Variants in TMEM132D observed in about 807,000 individuals in gnomAD.
TMEM132D encodes mature OL transmembrane protein.
TMEM132D carries 21 observed loss-of-function variants against 62.3 expected under a neutral mutation model. That is an observed-to-expected ratio of 0.34 (90% CI 0.24 to 0.49). The LOEUF is 0.49. Ranked by LOEUF, TMEM132D falls within the 20% of genes least tolerant of loss-of-function variation. The pLI is 0.99. For missense variants in TMEM132D, 1,346 were observed against 1,402.8 expected, an observed-to-expected ratio of 0.96 and a Z score of 0.65; for synonymous variants, 621 against 575.6, an observed-to-expected ratio of 1.08 and a Z score of -1.13.
At chr12:129,411,759 T>C (rs1230143952) in intron 3 of TMEM132D, among the ~76,000 whole-genome samples, 2 of 152,184 alleles carry the variant, frequency 1.3e-5, no homozygotes, top group African/African-American at 4.8e-5. Flanking sequence ...AGCTCTTGTC[T>C]CCCCTCATTC....
At chr12:129,675,862 G>A (rs779390014) in intron 2 of TMEM132D, among the ~76,000 whole-genome samples, 2 of 152,166 alleles carry the variant, frequency 1.3e-5, no homozygotes, top group African/African-American at 4.8e-5. Context: ...TGGACTTGCA[G>A]GGAAAAACTT....
chr12:129,791,231 A>G (rs972764105), intron 1 of TMEM132D, among the ~76,000 whole-genome samples: 1 of 152,218 alleles, frequency 6.6e-6, no homozygotes, highest in African/African-American at 2.4e-5. Flanking sequence ...TAGAATCACA[A>G]AAGCCTACAT....
chr12:129,595,617 G>A (rs541493190), intron 2 of TMEM132D, among the ~76,000 whole-genome samples: 1 of 152,224 alleles, frequency 6.6e-6, no homozygotes, highest in African/African-American at 2.4e-5. Context: ...ACTCTAAGCT[G>A]GTTCCCAAGC....
chr12:129,326,146 G>A (rs141693991), intron 4 of TMEM132D, among the ~76,000 whole-genome samples: 52 of 152,294 alleles, frequency 3.4e-4, no homozygotes, highest in African/African-American at 8.7e-4. Context: ...GGTTAATCCC[G>A]TGGACACTCT....
chr12:129,563,073 G>C (rs1877280737), intron 2 of TMEM132D, among the ~76,000 whole-genome samples: 1 of 152,176 alleles, frequency 6.6e-6, no homozygotes, highest in Non-Finnish European at 1.5e-5. Context: ...TGTACTACGT[G>C]ATCAACAAGT....
At chr12:129,442,827 T>C (rs1593010615) in intron 3 of TMEM132D, among the ~76,000 whole-genome samples, 1 of 152,116 alleles carries the variant, frequency 6.6e-6, no homozygotes, top group African/African-American at 2.4e-5. Context: ...ACGCCTTATG[T>C]GTATTCATCT....
At chr12:129,582,171 T>G (rs1244149001) in intron 2 of TMEM132D, among the ~76,000 whole-genome samples, 2 of 152,210 alleles carry the variant, frequency 1.3e-5, no homozygotes, top group African/African-American at 4.8e-5. Flanking sequence ...ACATGGCCGA[T>G]CCCATGTATT....
At chr12:129,735,770 C>G (rs1409666105) in intron 1 of TMEM132D, among the ~76,000 whole-genome samples, 1 of 152,166 alleles carries the variant, frequency 6.6e-6, no homozygotes, top group Non-Finnish European at 1.5e-5. Context: ...GGGGTGGTTA[C>G]TAGAATTGGG....
chr12:129,109,058 C>A (rs1033590634), intron 5 of TMEM132D, among the ~76,000 whole-genome samples: 2 of 152,190 alleles, frequency 1.3e-5, no homozygotes, highest in African/African-American at 2.4e-5. Context: ...GTACTATTAC[C>A]AGAGATGGAA....
At chr12:129,182,877 G>A (rs904013650) in intron 5 of TMEM132D, among the ~76,000 whole-genome samples, 1 of 152,202 alleles carries the variant, frequency 6.6e-6, no homozygotes, top group African/African-American at 2.4e-5. Flanking sequence ...TCAGGATCAC[G>A]TGAGTTGACT....
intron 5 of TMEM132D, among the ~76,000 whole-genome samples, chr12:129,136,413 G>A (rs1876558560): frequency 6.6e-6 from 1 of 152,120 alleles, no homozygotes. Context: ...TACCAGTTTG[G>A]TCAGTTATTT....
intron 1 of TMEM132D, among the ~76,000 whole-genome samples, chr12:129,784,385 G>A (rs1361233321): frequency 2.6e-5 from 4 of 152,110 alleles, no homozygotes; most frequent in African/African-American, 7.2e-5. Flanking sequence ...GGAGGTCACC[G>A]ACTTATTTTT....
At chr12:129,515,097 C>G (rs546789003) in intron 3 of TMEM132D, among the ~76,000 whole-genome samples, 1 of 152,266 alleles carries the variant, frequency 6.6e-6, no homozygotes, top group East Asian at 1.9e-4. Flanking sequence ...TATTTCCAAT[C>G]AATATTTGCT....
chr12:129,802,903 A>C (rs939580500), intron 1 of TMEM132D, among the ~76,000 whole-genome samples: 2 of 151,508 alleles, frequency 1.3e-5, no homozygotes, highest in Non-Finnish European at 2.9e-5. Context: ...TCTCTGATAA[A>C]ACAGACTTTA....
intron 5 of TMEM132D, among the ~76,000 whole-genome samples, chr12:129,104,287 G>A (rs915097628): frequency 3.3e-5 from 5 of 151,496 alleles, no homozygotes; most frequent in African/African-American, 1.2e-4. Context: ...AACAAGCAAT[G>A]GGGAAAGGAT....
chr12:129,305,788 G>T (rs753505072), intron 4 of TMEM132D, among the ~76,000 whole-genome samples: 2 of 152,066 alleles, frequency 1.3e-5, no homozygotes, highest in Non-Finnish European at 2.9e-5. Context: ...TACAAGGTCC[G>T]GTCCACGCAA....
intron 2 of TMEM132D, among the ~76,000 whole-genome samples, chr12:129,644,617 T>C (rs186917432): frequency 6.6e-6 from 1 of 152,044 alleles, no homozygotes; most frequent in Non-Finnish European, 1.5e-5. Flanking sequence ...GAGTACTATA[T>C]GTAACCATCA....
intron 5 of TMEM132D, among the ~76,000 whole-genome samples, chr12:129,099,987 G>C (rs1405907195): frequency 6.9e-6 from 1 of 145,304 alleles, no homozygotes; most frequent in Non-Finnish European, 1.5e-5. Flanking sequence ...CACTACGCCC[G>C]GCTAATTTTT....
intron 2 of TMEM132D, among the ~76,000 whole-genome samples, chr12:129,557,914 T>A (rs1478454079): frequency 6.6e-6 from 1 of 152,180 alleles, no homozygotes; most frequent in African/African-American, 2.4e-5. Context: ...ACATTGAGAT[T>A]TCCTTTTAAT....
Sources: gnomAD v4.1 joint callset for allele counts (sites outside exome capture counted in the v4.1 genomes callset) on GRCh38, gnomAD v4.1.1 for gene constraint, MANE v1.5 for transcripts, NCBI Gene and HGNC (gene_info 2026-07-23, HGNC 2026-07-21) for gene names.